The following MAP10 variants were observed in gnomAD, a reference collection of about 807,000 sequenced individuals.
The protein encoded by MAP10 is microtubule associated protein 10.
Under a neutral mutation model 6.3 loss-of-function variants are expected in MAP10, and 10 were observed. The observed-to-expected ratio is 1.58, with a 90% CI of 0.98 to 2.69. The LOEUF (loss-of-function observed/expected upper bound fraction) is 2.69, where lower values mean the gene tolerates loss of function less well. Among genes scored for constraint, MAP10 ranks in the 30% most tolerant of loss-of-function variants. The pLI, the probability that MAP10 is intolerant of heterozygous loss-of-function variation, is 0.00. For synonymous variants in MAP10, 459 were observed against 429.3 expected, an observed-to-expected ratio of 1.07 and a Z score of -0.86; for missense variants, 1,189 against 1,086.5, an observed-to-expected ratio of 1.09 and a Z score of -1.33.
Position 232,807,254 on chromosome 1 carries a change from C to A in MAP10, c.1805C>A (p.Thr602Lys). The stretch of plus-strand genomic sequence containing the variant: ...CTGAAATATGCAACTGAAAAAAAGA[C>A]AGTTGATTGTAGTAAAAATAGAATC... ...TKLKYATEKKTVDCSKNRINN... is the reference protein window; with the variant it reads ...TKLKYATEKKKVDCSKNRINN... Residue 602 changes from threonine (T) to lysine (K), a missense_variant, in exon 1 of 1, where the codon ACA becomes AAA. Thr to Lys is a moderately conservative substitution (Grantham distance 78, BLOSUM62 -1). Transcript: ENST00000418460. 6.2e-7 allele frequency: 1 copy of A among 1,612,942 alleles called. No individual in the cohort carries two copies. The highest frequency in any genetic ancestry group is 1.1e-5 in the South Asian group (1 of 90,794).
At position 232,806,211 on chromosome 1, in the gene MAP10, C is replaced by T. The variant is rs370663103; in HGVS notation, c.762C>T (p.Ala254=). 3.0e-5 allele frequency: 49 copies of T among 1,613,732 alleles called. No individual in the cohort carries two copies. In the African/African-American group the frequency reaches 3.6e-4, roughly 12 times the overall value. Residue 254 remains alanine (A), a synonymous_variant, in exon 1 of 1, where the codon GCC becomes GCT. Transcript: ENST00000418460. ...KDLKEMVKSK[A]ECDNVGSVEN... ...TGAAGGAAATGGTTAAAAGTAAGGC[C>T]GAATGTGATAATGTGGGTTCTGTGG... is the stretch of plus-strand genomic sequence containing the variant.
the MAP10 span, chr1:232,806,723 G>A: frequency 9.9e-5 from 159 of 1,613,844 alleles, no homozygotes; most frequent in African/African-American, 1.9e-3. Context: ...CACCTAGCCT[G>A]GTTATATAGG....
Position 232,805,810 on chromosome 1 carries a change from C to A in MAP10, c.361C>A (p.Pro121Thr). The A allele has an allele frequency of 6.3e-7, 1 of 1,593,492 alleles. No individual in the cohort carries two copies. Residue 121 changes from proline (P) to threonine (T), a missense_variant, in exon 1 of 1, where the codon CCC (proline) becomes ACC (threonine). Coordinates refer to ENST00000418460, the MANE Select transcript of MAP10 (RefSeq NM_019090.3). ...GCTTGCCACCTTGCTGCTGCAGCTG[C>A]CCCCTGGGCGCCCGACGCCCACCCC... ...TPLATLLLQL[P>T]PGRPTPTPQL...
Position 232,808,686 on chromosome 1 carries a change from A to G in MAP10, c.*519A>G, listed in dbSNP as rs552550735. On this transcript the variant is annotated 3_prime_UTR_variant, in exon 1 of 1. Coordinates refer to ENST00000418460, the MANE Select transcript of MAP10 (RefSeq NM_019090.3). ...ATCCCCAATAGGTGAAGTTGCTTTT[A>G]TATGCTCTCATAGTGCCCTGCACCT... 6.6e-6 allele frequency among the ~76,000 whole-genome samples: 1 copy of G among 152,288 alleles called. No homozygotes were observed. Among genetic ancestry groups the G allele is most frequent in the Non-Finnish European group, 1.5e-5 (1 of 67,974 alleles).
Position 232,806,030 on chromosome 1 carries a change from G to A in MAP10, c.581G>A (p.Arg194Gln). ...AGCCGCCTGCTGAGCCAACTTGAGC[G>A]GCCCCTCACCTTCACCCGCACAGGA... Reference protein sequence around the residue: ...LGSRLLSQLERPLTFTRTGGG... With the variant: ...LGSRLLSQLEQPLTFTRTGGG... Residue 194 changes from arginine to glutamine, a missense_variant, in exon 1 of 1, where the codon CGG (arginine) becomes CAG (glutamine). Transcript: ENST00000418460. 1 of 1,613,910 alleles carries A rather than the reference G, an allele frequency of 6.2e-7. No individual in the cohort carries two copies. Among genetic ancestry groups the A allele is most frequent in the East Asian group, 2.2e-5 (1 of 44,868 alleles).
Position 232,807,584 on chromosome 1 carries a change from A to T in MAP10, c.2135A>T (p.Asp712Val), listed in dbSNP as rs192065433. The change falls in exon 1 of 1, where the codon GAT (aspartate) becomes GTT (valine). Residue 712 changes from aspartate to valine, a missense_variant. Coordinates refer to ENST00000418460, the MANE Select transcript of MAP10 (RefSeq NM_019090.3). ...TTGTCTAGCCCTTGCTATTCTGAAG[A>T]TTTCTGTACCAGTGAGGACACCAGC... The part of the protein sequence containing the change: ...DDLSSPCYSE[D>V]FCTSEDTSRS... 5.0e-6 allele frequency: 8 copies of T among 1,610,914 alleles called. No individual in the cohort carries two copies. Among genetic ancestry groups the T allele is most frequent in the African/African-American group, 2.7e-5 (2 of 74,896 alleles).
At position 232,805,700 on chromosome 1, in the gene MAP10, C is replaced by G. The variant is rs1160552177; in HGVS notation, c.251C>G (p.Pro84Arg). The G allele has an allele frequency of 6.2e-7, 1 of 1,604,152 alleles. No homozygotes were observed. Among genetic ancestry groups the G allele is most frequent in the African/African-American group, 1.3e-5 (1 of 74,890 alleles). The change falls in exon 1 of 1, where the codon CCC becomes CGC. Residue 84 changes from proline (P) to arginine (R), a missense_variant. Transcript: ENST00000418460. ...GPGAPAAEPW[P>R]GVIRFGRGKS... Reference sequence around the variant, plus strand: ...GGCGCTCCCGCCGCCGAACCGTGGCCCGGTGTCATCCGCTTCGGTCGCGGC... The same window carrying G: ...GGCGCTCCCGCCGCCGAACCGTGGCGCGGTGTCATCCGCTTCGGTCGCGGC...
In MAP10 at chr1:232,808,163, T is replaced by A. The variant is rs1284788242; in HGVS notation, c.2714T>A (p.Met905Lys). 6.5e-7 allele frequency: 1 copy of A among 1,546,436 alleles called. No individual in the cohort carries two copies. Among genetic ancestry groups the A allele is most frequent in the Non-Finnish European group, 8.7e-7 (1 of 1,143,314 alleles). ...LVINKLPGYT[M>K] Reference sequence around the variant, plus strand: ...ATAAATAAACTTCCAGGATACACAATGTAAAAATACATGCTTTTAAAAAAC... The same window carrying A: ...ATAAATAAACTTCCAGGATACACAAAGTAAAAATACATGCTTTTAAAAAAC... Residue 905 changes from methionine (M) to lysine (K), a missense_variant, in exon 1 of 1, where the codon ATG (methionine) becomes AAG (lysine). Transcript: ENST00000418460.
At chr1:232,806,676 TGA>T in the MAP10 span, 1 of 1,613,960 alleles carries the variant, frequency 6.2e-7, no homozygotes, top group South Asian at 1.1e-5. Context: ...CCTTGTTATA[TGA>T]CCAACCTGTG....
rs1215948136 is a variant in MAP10 at position 232,807,316 on chromosome 1, A to G, written c.1867A>G (p.Asn623Asp). The G allele has an allele frequency of 6.2e-7, 1 of 1,613,918 alleles. No homozygotes were observed. The highest frequency in any genetic ancestry group is 1.1e-5 in the South Asian group (1 of 91,054). Residue 623 changes from asparagine (N) to aspartate (D), a missense_variant, in exon 1 of 1, where the codon AAT (asparagine) becomes GAT (aspartate). By Grantham distance (23) the Asn-to-Asp change is conservative. Coordinates refer to ENST00000418460, the MANE Select transcript of MAP10 (RefSeq NM_019090.3). ...VSLEEVVSPA[N>D]SIIPERLTPT... ...ATTGGAAGAAGTTGTGAGTCCTGCA[A>G]ATTCCATTATTCCAGAAAGGCTTAC... is the stretch of plus-strand genomic sequence containing the variant.
chr1:232,806,323 T>C lies in MAP10; in HGVS notation c.874T>C (p.Leu292=), dbSNP rs1321295707. ...VSSLNEEVTE[L]DMETNIFCPP... is the part of the protein sequence containing the mutation. ...CTCCCTAAATGAGGAAGTCACAGAA[T>C]TGGACATGGAGACCAATATATTTTG... The change falls in exon 1 of 1, where the codon TTG becomes CTG. Residue 292 remains leucine, a synonymous_variant. Transcript: ENST00000418460. 1.9e-5 allele frequency: 31 copies of C among 1,613,976 alleles called. No homozygotes were observed. Among genetic ancestry groups the C allele is most frequent in the Non-Finnish European group, 2.6e-5 (31 of 1,179,898 alleles).
rs1281202253 is a variant in MAP10 at position 232,805,507 on chromosome 1, C to G, written c.58C>G (p.Arg20Gly). ...FSLELLVDWV[R>G]LEARLLPSPA... ...GCTGGAGCTGCTGGTGGACTGGGTGCGTTTGGAAGCCCGGCTGCTGCCGTC... is the reference window on the plus strand; with the variant it reads ...GCTGGAGCTGCTGGTGGACTGGGTGGGTTTGGAAGCCCGGCTGCTGCCGTC... Residue 20 changes from arginine to glycine, a missense_variant, in exon 1 of 1, where the codon CGT becomes GGT. Transcript: ENST00000418460. 1.3e-6 allele frequency: 2 copies of G among 1,571,948 alleles called. No individual in the cohort carries two copies. The highest frequency in any genetic ancestry group is 4.7e-5 in the East Asian group (2 of 42,706).
Position 232,806,894 on chromosome 1 carries a change from G to C in MAP10, c.1445G>C (p.Ser482Thr), listed in dbSNP as rs776695982. 3 of 1,609,674 alleles carry C rather than the reference G, an allele frequency of 1.9e-6. No individual in the cohort carries two copies. Among genetic ancestry groups the C allele is most frequent in the Non-Finnish European group, 2.5e-6 (3 of 1,178,716 alleles). The change falls in exon 1 of 1, where the codon AGC (serine) becomes ACC (threonine). Residue 482 changes from serine (S) to threonine (T), a missense_variant. Coordinates refer to ENST00000418460, the MANE Select transcript of MAP10 (RefSeq NM_019090.3). Reference sequence around the variant, plus strand: ...AAGGAAGATAAATATTCTGAAAAGAGCAGTGGTGCCCTCCATAAAAGAGTT... The same window carrying C: ...AAGGAAGATAAATATTCTGAAAAGACCAGTGGTGCCCTCCATAAAAGAGTT... ...NYKEDKYSEK[S>T]SGALHKRVPK... is the part of the protein sequence containing the mutation.
At position 232,806,561 on chromosome 1, in the gene MAP10, A is replaced by G. The variant is rs1336505460; in HGVS notation, c.1112A>G (p.His371Arg). The G allele has an allele frequency of 3.7e-6, 6 of 1,613,854 alleles. No homozygotes were observed. The highest frequency in any genetic ancestry group is 5.1e-6 in the Non-Finnish European group (6 of 1,179,862). Reference protein sequence around the residue: ...EHPPMLVNPPHIQNIGATNQT... With the variant: ...EHPPMLVNPPRIQNIGATNQT... Reference sequence around the variant, plus strand: ...CCTCCAATGCTTGTAAATCCTCCACATATTCAGAATATAGGAGCAACTAAT... The same window carrying G: ...CCTCCAATGCTTGTAAATCCTCCACGTATTCAGAATATAGGAGCAACTAAT... The change falls in exon 1 of 1, where the codon CAT becomes CGT. Residue 371 changes from histidine to arginine, a missense_variant. His to Arg is a conservative substitution (Grantham distance 29). Coordinates refer to ENST00000418460, the MANE Select transcript of MAP10 (RefSeq NM_019090.3).
rs768241074 is a variant in MAP10 at position 232,806,582 on chromosome 1, C to T, written c.1133C>T (p.Thr378Ile). The part of the protein sequence containing the change: ...NPPHIQNIGA[T>I]NQTCQTEQNR... The stretch of plus-strand genomic sequence containing the variant: ...CCACATATTCAGAATATAGGAGCAA[C>T]TAATCAAACATGTCAAACTGAACAA... Residue 378 changes from threonine (T) to isoleucine (I), a missense_variant, in exon 1 of 1, where the codon ACT becomes ATT. By Grantham distance (89) the Thr-to-Ile change is moderately conservative (BLOSUM62 -1). Coordinates refer to ENST00000418460, the MANE Select transcript of MAP10 (RefSeq NM_019090.3). The T allele has an allele frequency of 6.2e-7, 1 of 1,613,808 alleles. No homozygotes were observed. Among genetic ancestry groups the T allele is most frequent in the African/African-American group, 1.3e-5 (1 of 74,924 alleles).
Position 232,805,807 on chromosome 1 carries a change from C to G in MAP10, c.358C>G (p.Leu120Val). 6.3e-7 allele frequency: 1 copy of G among 1,595,678 alleles called. No individual in the cohort carries two copies. Among genetic ancestry groups the G allele is most frequent in the Non-Finnish European group, 8.5e-7 (1 of 1,171,616 alleles). The change falls in exon 1 of 1, where the codon CTG (leucine) becomes GTG (valine). Residue 120 changes from leucine (L) to valine (V), a missense_variant. Leu to Val is a conservative substitution (Grantham distance 32, BLOSUM62 1). Transcript: ENST00000418460. ...RTPLATLLLQ[L>V]PPGRPTPTPQ... ...CCCGCTTGCCACCTTGCTGCTGCAG[C>G]TGCCCCCTGGGCGCCCGACGCCCAC...
rs1248943388 is a variant in MAP10 at position 232,805,674 on chromosome 1, C to T, written c.225C>T (p.Pro75=). Residue 75 remains proline (P), a synonymous_variant, in exon 1 of 1, where the codon CCC becomes CCT. Transcript: ENST00000418460. ...TGTTGGTTTACCCTCCTGACGGCCC[C>T]GGCGCTCCCGCCGCCGAACCGTGGC... ...PTLLVYPPDG[P]GAPAAEPWPG... 2 of 1,600,198 alleles carry T rather than the reference C, an allele frequency of 1.2e-6. No individual in the cohort carries two copies. Among genetic ancestry groups the T allele is most frequent in the Non-Finnish European group, 1.7e-6 (2 of 1,177,234 alleles).
rs771779055 is a variant in MAP10 at position 232,807,634 on chromosome 1, A to G, written c.2185A>G (p.Ser729Gly). ...TSRSFKAHDS[S>G]SRTENPKHSQ... is the part of the protein sequence containing the mutation. ...CAGAAGTTTCAAAGCTCATGATAGCAGTTCAAGGACAGAAAATCCAAAACA... is the reference window on the plus strand; with the variant it reads ...CAGAAGTTTCAAAGCTCATGATAGCGGTTCAAGGACAGAAAATCCAAAACA... Residue 729 changes from serine to glycine, a missense_variant, in exon 1 of 1, where the codon AGT becomes GGT. By Grantham distance (56) the Ser-to-Gly change is moderately conservative (BLOSUM62 0). Coordinates refer to ENST00000418460, the MANE Select transcript of MAP10 (RefSeq NM_019090.3). The G allele has an allele frequency of 1.9e-6, 3 of 1,610,364 alleles. No individual in the cohort carries two copies. The Admixed American group carries it at 5.1e-5, about 27-fold the overall frequency.
Position 232,807,766 on chromosome 1 carries a change from C to A in MAP10, c.2317C>A (p.His773Asn). Residue 773 changes from histidine (H) to asparagine (N), a missense_variant, in exon 1 of 1, where the codon CAC becomes AAC. Coordinates refer to ENST00000418460, the MANE Select transcript of MAP10 (RefSeq NM_019090.3). ...SPPFSAGSPV[H>N]SYRKFHISKT... ...ACCTTTTTCAGCCGGGTCACCTGTA[C>A]ACTCATACAGAAAATTTCATATTTC... 2 of 1,613,446 alleles carry A rather than the reference C, an allele frequency of 1.2e-6. No individual in the cohort carries two copies.
Sources: allele counts gnomAD v4.1 joint callset (sites outside exome capture counted in the v4.1 genomes callset), GRCh38; gene constraint gnomAD v4.1.1; transcripts MANE v1.5; gene names NCBI Gene and HGNC (gene_info 2026-07-23, HGNC 2026-07-21).